Variants in LRRC49 observed in about 807,000 individuals in gnomAD.
The protein encoded by LRRC49 is leucine-rich repeat-containing protein 49.
In LRRC49, 50 loss-of-function variants were observed where a neutral mutation model predicts 83.3. The observed-to-expected ratio is 0.60, with a 90% CI of 0.48 to 0.76. The LOEUF is 0.76. Ranked by LOEUF, LRRC49 falls within the 30% of genes least tolerant of loss-of-function variation. The pLI is 0.00. For missense variants in LRRC49, 704 were observed against 809.1 expected (o/e 0.87, Z 1.58); for synonymous variants, 286 against 283.3 (o/e 1.01, Z -0.10).
Position 70,895,854 on chromosome 15 carries a change from A to G in LRRC49, c.111A>G (p.Glu37=), listed in dbSNP as rs1406227621. ...TCTTTAATAATGTTTTTCAGGTTGA[A>G]TTCAAGCTAAATAAAGACACATCGT... is the stretch of plus-strand genomic sequence containing the variant. The part of the protein sequence containing the change: ...TSSLPEKNKV[E]FKLNKDTSSF... The change falls in exon 3 of 16, where the codon GAA becomes GAG. Residue 37 remains glutamate (E), a synonymous_variant. Coordinates refer to ENST00000260382, the MANE Select transcript of LRRC49 (RefSeq NM_017691.5). 1.2e-6 allele frequency: 2 copies of G among 1,602,738 alleles called. No homozygotes were observed. The highest frequency in any genetic ancestry group is 1.7e-6 in the Non-Finnish European group (2 of 1,174,664).
intron 3 of LRRC49, among the ~76,000 whole-genome samples, chr15:70,897,358 C>A (rs761041916): frequency 7.9e-5 from 12 of 151,932 alleles, no homozygotes; most frequent in Non-Finnish European, 1.8e-4. Flanking sequence ...GAAAAAAAAC[C>A]TAATTGGTTT....
At chr15:70,928,232 A>G (rs1244909793) in intron 7 of LRRC49, among the ~76,000 whole-genome samples, 5 of 152,130 alleles carry the variant, frequency 3.3e-5, no homozygotes, top group Non-Finnish European at 5.9e-5. Flanking sequence ...TTTCTACCGC[A>G]TCTATATAGT....
chr15:70,958,029 T>C (rs1418370304), intron 8 of LRRC49, among the ~76,000 whole-genome samples: 3 of 152,174 alleles, frequency 2.0e-5, no homozygotes, highest in African/African-American at 7.2e-5. Context: ...ATAACTCTAG[T>C]TGTTCACCTG....
intron 7 of LRRC49, among the ~76,000 whole-genome samples, chr15:70,927,556 C>T (rs556916179): frequency 5.8e-4 from 88 of 152,210 alleles, no homozygotes; most frequent in African/African-American, 2.0e-3. Flanking sequence ...TTTTCCTGTC[C>T]CAATATCATG....
chr15:70,853,560 GAA>G (rs2032547732), intron 1 of LRRC49: 1 of 202,906 alleles, frequency 4.9e-6, no homozygotes, highest in Non-Finnish European at 9.9e-6. Flanking sequence ...AGCCCACAGA[GAA>G]GAGGCCTCCT....
At chr15:70,887,109 A>G (rs2033430718) in intron 2 of LRRC49, among the ~76,000 whole-genome samples, 1 of 152,190 alleles carries the variant, frequency 6.6e-6, no homozygotes, top group African/African-American at 2.4e-5. Context: ...TAACCTTATA[A>G]CAAAGAAATT....
intron 11 of LRRC49, chr15:70,984,472 G>A (rs1472163650): frequency 2.4e-6 from 1 of 409,180 alleles, no homozygotes; most frequent in African/African-American, 2.1e-5. Context: ...ATTTTTTATA[G>A]GGAAAAGTCT....
At chr15:70,891,935 C>T, upstream of LRRC49, 1 of 1,613,808 alleles carries the variant, frequency 6.2e-7, no homozygotes. Flanking sequence ...CTGGAGCTCT[C>T]CTCGCGTGTC....
chr15:70,959,040 TA>T (rs906050557), intron 8 of LRRC49, among the ~76,000 whole-genome samples: 3 of 152,158 alleles, frequency 2.0e-5, no homozygotes, highest in Admixed American at 2.0e-4. Context: ...CCTGAATAAA[TA>T]AAGTATTTAT....
At chr15:70,895,735 G>C in intron 2 of LRRC49, 114 bp from the exon 3 acceptor site, 1 of 564,672 alleles carries the variant, frequency 1.8e-6, no homozygotes, top group Non-Finnish European at 3.0e-6. Context: ...ATGTTTTCAA[G>C]GTTCATCCAC....
chr15:70,912,244 G>A (rs2034579167), intron 6 of LRRC49, among the ~76,000 whole-genome samples: 2 of 151,904 alleles, frequency 1.3e-5, no homozygotes, highest in East Asian at 3.8e-4. Context: ...ATTGTTTCCT[G>A]TTTTTATTGT....
chr15:70,877,691 T>A (rs967402733), intron 2 of LRRC49, among the ~76,000 whole-genome samples: 4 of 151,946 alleles, frequency 2.6e-5, no homozygotes, highest in Non-Finnish European at 5.9e-5. Context: ...TACCCAGGAG[T>A]GAAATTGTTT....
At chr15:70,897,423 A>T (rs1392491712) in intron 3 of LRRC49, among the ~76,000 whole-genome samples, 4 of 152,200 alleles carry the variant, frequency 2.6e-5, no homozygotes, top group African/African-American at 4.8e-5. Flanking sequence ...CTAATTTGAA[A>T]TGTCTTAAAT....
Position 71,049,488 on chromosome 15 carries a change from A to C in LRRC49, c.1937A>C (p.Asn646Thr). ...VKEATEINMK[N>T]EALQKLWPQM... ...GAAGCCACAGAAATCAACATGAAAA[A>C]TGAGGCTTTGCAGAAGCTTTGGCCA... The change falls in exon 16 of 16, where the codon AAT (asparagine) becomes ACT (threonine). Residue 646 changes from asparagine (N) to threonine (T), a missense_variant. Asn to Thr is a moderately conservative substitution (Grantham distance 65). Transcript: ENST00000260382. 1.9e-6 allele frequency: 3 copies of C among 1,613,790 alleles called. No individual in the cohort carries two copies. Among genetic ancestry groups the C allele is most frequent in the Non-Finnish European group, 2.5e-6 (3 of 1,179,666 alleles).
intron 7 of LRRC49, among the ~76,000 whole-genome samples, chr15:70,925,609 G>T (rs770082683): frequency 9.9e-5 from 15 of 152,090 alleles, no homozygotes; most frequent in Non-Finnish European, 1.9e-4. Context: ...TGCTTTCTTT[G>T]TCTTATAGTA....
chr15:70,882,459 A>G (rs1248932876), intron 2 of LRRC49: 1 of 1,607,640 alleles, frequency 6.2e-7, no homozygotes, highest in East Asian at 2.2e-5. Context: ...AGTTTTTAAC[A>G]TGTTTCTTCT....
intron 14 of LRRC49, among the ~76,000 whole-genome samples, chr15:71,016,448 A>G (rs1008664968): frequency 2.6e-5 from 4 of 152,070 alleles, no homozygotes; most frequent in African/African-American, 9.7e-5. Flanking sequence ...TGAAGCTTTT[A>G]CTTCAGGAAC....
At chr15:71,047,603 T>C (rs941630351) in intron 15 of LRRC49, among the ~76,000 whole-genome samples, 3 of 152,214 alleles carry the variant, frequency 2.0e-5, no homozygotes, top group Non-Finnish European at 4.4e-5. Context: ...ATTTTCTAGG[T>C]ATAGAAATCA....
At chr15:71,010,886 G>T (rs1281402753) in intron 13 of LRRC49, among the ~76,000 whole-genome samples, 1 of 152,016 alleles carries the variant, frequency 6.6e-6, no homozygotes, top group Non-Finnish European at 1.5e-5. Flanking sequence ...TTTATTGTAA[G>T]ATTAACTGTA....
Sources: allele counts gnomAD v4.1 joint callset (sites outside exome capture counted in the v4.1 genomes callset), GRCh38; gene constraint gnomAD v4.1.1; transcripts MANE v1.5; gene names NCBI Gene and HGNC (gene_info 2026-07-23, HGNC 2026-07-21).